PRKG1: variants seen among roughly 807,000 people sequenced by gnomAD.
PRKG1 encodes the protein cGMP-dependent protein kinase 1.
PRKG1 carries 35 observed loss-of-function variants against 88.1 expected under a neutral mutation model. The observed-to-expected ratio is 0.40, with a 90% confidence interval of 0.30 to 0.53. The LOEUF (loss-of-function observed/expected upper bound fraction) is 0.53. Among genes scored for constraint, PRKG1 ranks in the 20% least tolerant of loss-of-function variants. PRKG1 has a pLI of 0.59. For missense variants in PRKG1, 540 were observed against 839.8 expected, an observed-to-expected ratio of 0.64 and a Z score of 4.41; for synonymous variants, 303 against 292.5, an observed-to-expected ratio of 1.04 and a Z score of -0.37.
At chr10:52,100,811 C>T (rs527583361) in intron 7 of PRKG1, among the ~76,000 whole-genome samples, 5 of 152,216 alleles carry the variant, frequency 3.3e-5, no homozygotes, top group Middle Eastern at 6.8e-3. Context: ...TTTATATCTG[C>T]TTTATTACTA....
At chr10:51,005,317 T>C (rs1419941273) in intron 1 of PRKG1, among the ~76,000 whole-genome samples, 1 of 152,172 alleles carries the variant, frequency 6.6e-6, no homozygotes, top group Non-Finnish European at 1.5e-5. Context: ...TTTAAAAGTT[T>C]TAGAGCTTTT....
chr10:51,687,932 C>A lies in PRKG1; in HGVS notation c.593-116653C>A, dbSNP rs111272564. Among the ~76,000 whole-genome samples the A allele has an allele frequency of 3.9e-3, 601 of 152,256 alleles. 6 individuals carry two copies. Among genetic ancestry groups the A allele is most frequent in the African/African-American group, 0.014 (571 of 41,538 alleles). ...GTTCACTCAATTATCTGTGAAGGAA[C>A]AAGATTTTTGTTTGTCTGCTTGCTT... On this transcript the variant is annotated intron_variant, in intron 3 of 17. Coordinates refer to ENST00000373980, the MANE Select transcript of PRKG1 (RefSeq NM_006258.4).
chr10:51,361,101 A>G (rs1461771911), intron 2 of PRKG1, among the ~76,000 whole-genome samples: 2 of 151,876 alleles, frequency 1.3e-5, no homozygotes, highest in African/African-American at 2.4e-5. Flanking sequence ...AATAAATACA[A>G]TTCTGGCGTG....
intron 5 of PRKG1, among the ~76,000 whole-genome samples, chr10:51,949,935 G>A (rs1056338651): frequency 6.6e-6 from 1 of 152,110 alleles, no homozygotes; most frequent in Non-Finnish European, 1.5e-5. Flanking sequence ...TGTCCAAGGA[G>A]CGCTTGGGTG....
intron 1 of PRKG1, among the ~76,000 whole-genome samples, chr10:51,003,907 A>G (rs968666429): frequency 2.0e-5 from 3 of 152,182 alleles, no homozygotes; most frequent in Non-Finnish European, 4.4e-5. Context: ...TCTTTCTAAT[A>G]GCTATGGAAT....
chr10:51,153,786 G>C (rs991270644), intron 2 of PRKG1, among the ~76,000 whole-genome samples: 22 of 151,956 alleles, frequency 1.4e-4, no homozygotes, highest in African/African-American at 5.3e-4. Context: ...GTGTATGACA[G>C]AGGCAGACAA....
intron 2 of PRKG1, among the ~76,000 whole-genome samples, chr10:51,315,702 T>C (rs565482244): frequency 4.6e-5 from 7 of 152,328 alleles, no homozygotes; most frequent in Non-Finnish European, 5.9e-5. Context: ...CCAATTTCAA[T>C]ATTTCTACTG....
chr10:51,066,226 T>C (rs1843748145), intron 1 of PRKG1, among the ~76,000 whole-genome samples: 1 of 152,146 alleles, frequency 6.6e-6, no homozygotes, highest in Non-Finnish European at 1.5e-5. Context: ...TTTGATCCCA[T>C]TGTAGTCCTT....
intron 7 of PRKG1, among the ~76,000 whole-genome samples, chr10:52,104,472 A>G (rs1375620370): frequency 6.6e-6 from 1 of 151,888 alleles, no homozygotes; most frequent in Admixed American, 6.6e-5. Context: ...GACAGTTATC[A>G]TTTGCTGAGG....
intron 1 of PRKG1, among the ~76,000 whole-genome samples, chr10:51,095,691 T>C (rs1390340940): frequency 6.6e-6 from 1 of 152,176 alleles, no homozygotes. Flanking sequence ...TACTCAGTAC[T>C]GGGGAACTGC....
At chr10:51,643,360 C>T (rs1839844932) in intron 3 of PRKG1, among the ~76,000 whole-genome samples, 1 of 152,108 alleles carries the variant, frequency 6.6e-6, no homozygotes, top group African/African-American at 2.4e-5. Flanking sequence ...CATCCTAAAA[C>T]CTGCTGATTT....
In PRKG1 at chr10:51,857,671, G is replaced by C. The variant is rs147775345; in HGVS notation, c.699-49836G>C. ...TTTTTTTCCAGGGCAATCAGCGGAA[G>C]GGAAATAAACTGCTTATTAAAATGT... is the stretch of plus-strand genomic sequence containing the variant. On this transcript the variant is annotated intron_variant, in intron 4 of 17. Transcript: ENST00000373980. Among the ~76,000 whole-genome samples the C allele has an allele frequency of 7.4e-3, 1,130 of 152,234 alleles. 13 individuals are homozygous for C. Among genetic ancestry groups the C allele is most frequent in the Non-Finnish European group, 0.011 (716 of 67,992 alleles).
chr10:51,897,994 C>T (rs1034694419), intron 4 of PRKG1, among the ~76,000 whole-genome samples: 1 of 152,080 alleles, frequency 6.6e-6, no homozygotes, highest in Non-Finnish European at 1.5e-5. Context: ...TGACCTGACC[C>T]CACCCTTACC....
chr10:52,149,533 C>A (rs754785754), intron 8 of PRKG1, among the ~76,000 whole-genome samples: 2 of 152,006 alleles, frequency 1.3e-5, no homozygotes, highest in Non-Finnish European at 2.9e-5. Flanking sequence ...ACCTGTGGGA[C>A]TGGAGTCCTT....
intron 3 of PRKG1, among the ~76,000 whole-genome samples, chr10:51,611,301 T>G (rs114373678): frequency 0.039 from 5,967 of 152,270 alleles, 168 homozygotes; most frequent in Middle Eastern, 0.088. Flanking sequence ...TTTTTGTCTC[T>G]CTAGTAATAG....
At chr10:51,283,390 G>T (rs932535350) in intron 2 of PRKG1, among the ~76,000 whole-genome samples, 1 of 151,974 alleles carries the variant, frequency 6.6e-6, no homozygotes, top group African/African-American at 2.4e-5. Flanking sequence ...AACTACTTTA[G>T]CTAGTTATCT....
chr10:51,943,745 C>A (rs546112863), intron 5 of PRKG1, among the ~76,000 whole-genome samples: 1 of 152,086 alleles, frequency 6.6e-6, no homozygotes, highest in South Asian at 2.1e-4. Context: ...TGTTTATATG[C>A]TGGATTACAT....
intron 2 of PRKG1, among the ~76,000 whole-genome samples, chr10:51,301,240 C>G (rs1214915161): frequency 6.6e-6 from 1 of 152,054 alleles, no homozygotes; most frequent in Non-Finnish European, 1.5e-5. Flanking sequence ...TTTTACTGAC[C>G]CTTCCTTAAT....
chr10:51,416,164 A>G (rs1838230900), intron 2 of PRKG1, among the ~76,000 whole-genome samples: 1 of 152,232 alleles, frequency 6.6e-6, no homozygotes, highest in Non-Finnish European at 1.5e-5. Flanking sequence ...TTTTGTATTT[A>G]GTGGCAGAAG....
Sources: gnomAD v4.1 joint callset for allele counts (sites outside exome capture counted in the v4.1 genomes callset) on GRCh38, gnomAD v4.1.1 for gene constraint, MANE v1.5 for transcripts, NCBI Gene and HGNC (gene_info 2026-07-23, HGNC 2026-07-21) for gene names.